The following ZNRF3 variants were observed in gnomAD, a reference collection of about 807,000 sequenced individuals.
ZNRF3 encodes zinc and ring finger 3, also known as E3 ubiquitin-protein ligase ZNRF3.
A neutral mutation model predicts 72.5 loss-of-function variants in ZNRF3; 23 were observed. That is an observed-to-expected ratio of 0.32 (90% confidence interval 0.23 to 0.45). ZNRF3 has a LOEUF of 0.45. ZNRF3 is among the 20% of genes least tolerant of loss of function. The probability of loss-of-function intolerance (pLI) is 1.00; values close to 1 mark genes in which losing one functional copy is unlikely to be tolerated. For synonymous variants in ZNRF3, 610 were observed against 545.3 expected (o/e 1.12, Z -1.65); for missense variants, 1,169 against 1,272.1 (o/e 0.92, Z 1.23).
chr22:29,024,284 G>GTTTTTTTTTTTTTTTTTTTTT (rs59532780), intron 2 of ZNRF3, among the ~76,000 whole-genome samples: 2 of 127,826 alleles, frequency 1.6e-5, no homozygotes, highest in Non-Finnish European at 3.3e-5. Flanking sequence ...GGCATTAACT[G>GTTTTTTTTTTTTTTTTTTTTT]TTTTTTTTTT....
At chr22:29,007,478 T>A (rs1050058780) in intron 2 of ZNRF3, among the ~76,000 whole-genome samples, 1 of 143,586 alleles carries the variant, frequency 7.0e-6, no homozygotes, top group Non-Finnish European at 1.5e-5. Context: ...TCTCTACAAA[T>A]TTTTTTTTTT....
In ZNRF3 at chr22:29,050,482, C is replaced by T; in HGVS notation, c.2301C>T (p.Pro767=). The change falls in exon 8 of 9, where the codon CCC becomes CCT. Residue 767 remains proline (P), a synonymous_variant. Transcript: ENST00000544604. ...GLYGLHPDHL[P]RTDGVKYEGL... is the part of the protein sequence containing the mutation. Reference sequence around the variant, plus strand: ...ACGGCCTTCACCCCGACCATTTGCCCAGGACAGATGGGGTGAAATACGAGG... The same window carrying T: ...ACGGCCTTCACCCCGACCATTTGCCTAGGACAGATGGGGTGAAATACGAGG... 1 of 1,612,832 alleles carries T rather than the reference C, an allele frequency of 6.2e-7. No homozygotes were observed.
intron 1 of ZNRF3, among the ~76,000 whole-genome samples, chr22:28,956,546 G>A (rs935199723): frequency 6.6e-6 from 1 of 152,032 alleles, no homozygotes; most frequent in East Asian, 1.9e-4. Context: ...AGAGGGACTC[G>A]TCTGCAAAGA....
In ZNRF3 at chr22:29,050,830, G is replaced by C. The variant is rs775510646; in HGVS notation, c.2649G>C (p.Gln883His). The C allele has an allele frequency of 6.2e-7, 1 of 1,607,250 alleles. No individual in the cohort carries two copies. Among genetic ancestry groups the C allele is most frequent in the Non-Finnish European group, 8.5e-7 (1 of 1,178,490 alleles). ...TREEERALCC[Q>H]ARALLRPGCP... ...AAGAGGAGCGGGCTCTGTGCTGCCA[G>C]GCTAGGGCCCTACTGCGGCCTGGCT... Residue 883 changes from glutamine to histidine, a missense_variant, in exon 8 of 9, where the codon CAG becomes CAC. Physicochemically the swap from Gln to His is conservative, Grantham distance 24 (BLOSUM62 0). Coordinates refer to ENST00000544604, the MANE Select transcript of ZNRF3 (RefSeq NM_001206998.2).
At chr22:29,001,252 G>A (rs2036140353) in intron 2 of ZNRF3, among the ~76,000 whole-genome samples, 1 of 151,134 alleles carries the variant, frequency 6.6e-6, no homozygotes, top group Admixed American at 6.6e-5. Flanking sequence ...TGTATTTTTA[G>A]TAGAGACAGG....
intron 4 of ZNRF3, among the ~76,000 whole-genome samples, 175 bp downstream of exon 4, chr22:29,043,605 C>T (rs966263859): frequency 6.6e-6 from 1 of 152,166 alleles, no homozygotes; most frequent in Non-Finnish European, 1.5e-5. Context: ...ACTCATGTTC[C>T]TTTATAGTGA....
intron 2 of ZNRF3, among the ~76,000 whole-genome samples, chr22:29,023,590 G>A (rs1449738463): frequency 6.6e-6 from 1 of 152,166 alleles, no homozygotes; most frequent in Non-Finnish European, 1.5e-5. Context: ...TCCCTACGGT[G>A]GGCTATATTA....
intron 1 of ZNRF3, among the ~76,000 whole-genome samples, chr22:28,928,003 T>C (rs2034634432): frequency 6.6e-6 from 1 of 152,228 alleles, no homozygotes; most frequent in Admixed American, 6.5e-5. Context: ...AGAAGGCAGC[T>C]GCACAGGCTT....
chr22:28,897,000 C>G (rs1455371017), intron 1 of ZNRF3, among the ~76,000 whole-genome samples: 2 of 152,178 alleles, frequency 1.3e-5, no homozygotes, highest in Non-Finnish European at 2.9e-5. Context: ...AACTCTTGGG[C>G]TCAAGCGATC....
intron 1 of ZNRF3, among the ~76,000 whole-genome samples, chr22:28,899,390 T>G (rs1000098236): frequency 3.9e-5 from 6 of 152,212 alleles, no homozygotes; most frequent in Admixed American, 1.3e-4. Context: ...GATTATAGCT[T>G]GCTGTGTACT....
At chr22:29,027,383 G>A (rs892158690) in intron 2 of ZNRF3, among the ~76,000 whole-genome samples, 1 of 152,190 alleles carries the variant, frequency 6.6e-6, no homozygotes, top group Non-Finnish European at 1.5e-5. Flanking sequence ...CGAGTAGTTG[G>A]GATTACAGGT....
chr22:28,896,094 G>T (rs934993755), intron 1 of ZNRF3, among the ~76,000 whole-genome samples: 1 of 151,656 alleles, frequency 6.6e-6, no homozygotes, highest in Admixed American at 6.6e-5. Context: ...GGGATTACAG[G>T]CGTCCACCAT....
At chr22:29,036,157 T>A (rs1219767604) in intron 2 of ZNRF3, among the ~76,000 whole-genome samples, 1 of 152,224 alleles carries the variant, frequency 6.6e-6, no homozygotes, top group Non-Finnish European at 1.5e-5. Context: ...TGCTTTCAAT[T>A]TCTGAGTTAT....
chr22:29,015,533 G>A (rs1413555504), intron 2 of ZNRF3, among the ~76,000 whole-genome samples: 7 of 152,040 alleles, frequency 4.6e-5, no homozygotes, highest in Non-Finnish European at 2.9e-5. Flanking sequence ...ACCCAGGCAT[G>A]GTGGTGCACG....
chr22:28,975,527 A>AT (rs2035655774), intron 1 of ZNRF3, among the ~76,000 whole-genome samples: 1 of 150,272 alleles, frequency 6.7e-6, no homozygotes, highest in Non-Finnish European at 1.5e-5. Flanking sequence ...AAAAAAAAAA[A>AT]AGAGTTCAAG....
intron 2 of ZNRF3, among the ~76,000 whole-genome samples, chr22:29,008,063 T>A (rs977191259): frequency 6.6e-6 from 1 of 152,126 alleles, no homozygotes; most frequent in Non-Finnish European, 1.5e-5. Context: ...GCTCAGAAAT[T>A]CTATTTCTTT....
intron 2 of ZNRF3, among the ~76,000 whole-genome samples, chr22:29,021,628 C>T (rs1245025208): frequency 2.0e-5 from 3 of 152,004 alleles, no homozygotes; most frequent in Non-Finnish European, 4.4e-5. Flanking sequence ...GCTGGGATTA[C>T]AGGCACGCGC....
In ZNRF3 at chr22:29,049,726, G is replaced by A. The variant is rs1418742738; in HGVS notation, c.1545G>A (p.Val515=). The A allele has an allele frequency of 6.3e-7, 1 of 1,599,094 alleles. No homozygotes were observed. Among genetic ancestry groups the A allele is most frequent in the Admixed American group, 1.7e-5 (1 of 59,426 alleles). The change falls in exon 8 of 9, where the codon GTG becomes GTA. Residue 515 remains valine, a synonymous_variant. Transcript: ENST00000544604. The surrounding 1 kb of genome is among the most constrained non-coding windows in gnomAD (Gnocchi z 5.2). ...GSLLFPTVVH[V]APPSHLESGS... is the part of the protein sequence containing the mutation. ...TGCTCTTCCCCACCGTGGTGCACGT[G>A]GCCCCGCCCTCCCACCTGGAGAGCG...
chr22:28,947,407 T>C (rs1157239164), intron 1 of ZNRF3, among the ~76,000 whole-genome samples: 1 of 152,238 alleles, frequency 6.6e-6, no homozygotes, highest in African/African-American at 2.4e-5. Flanking sequence ...TGCCACTCTG[T>C]TTCATGTCTT....
Sources: allele counts gnomAD v4.1 joint callset (sites outside exome capture counted in the v4.1 genomes callset), GRCh38; gene constraint gnomAD v4.1.1; non-coding constraint Gnocchi (gnomAD v3.1); transcripts MANE v1.5; gene names NCBI Gene and HGNC (gene_info 2026-07-23, HGNC 2026-07-21).